TBC1D5: variants seen among roughly 807,000 people sequenced by gnomAD.
The protein encoded by TBC1D5 is TBC1 domain family member 5, also known as TBC1 domain family, member 5.
Under a neutral mutation model 100.3 loss-of-function variants are expected in TBC1D5, and 75 were observed. The observed-to-expected ratio is 0.75, with a 90% CI of 0.62 to 0.91. The LOEUF is 0.91. TBC1D5 is among the 40% of genes least tolerant of loss of function. The probability of loss-of-function intolerance (pLI) is 0.00; values close to 1 mark genes in which losing one functional copy is unlikely to be tolerated. For missense variants in TBC1D5, 910 were observed against 942.4 expected (o/e 0.97, Z 0.45); for synonymous variants, 323 against 325.6 (o/e 0.99, Z 0.09).
chr3:17,659,033 G>A (rs1439278956), intron 1 of TBC1D5, among the ~76,000 whole-genome samples: 1 of 152,158 alleles, frequency 6.6e-6, no homozygotes, highest in Admixed American at 6.5e-5. Context: ...GCAAGATTCA[G>A]ATTCCCCATC....
chr3:17,176,441 C>G (rs2067739680), intron 19 of TBC1D5, among the ~76,000 whole-genome samples: 1 of 152,198 alleles, frequency 6.6e-6, no homozygotes, highest in Non-Finnish European at 1.5e-5. Context: ...ATAATAGAGT[C>G]TTGCCTGCAT....
intron 2 of TBC1D5, among the ~76,000 whole-genome samples, chr3:17,551,237 C>G (rs901870604): frequency 6.6e-6 from 1 of 152,066 alleles, no homozygotes; most frequent in African/African-American, 2.4e-5. Flanking sequence ...GTAAAGACGA[C>G]CATCTGCTTG....
chr3:17,380,214 A>G (rs1318916604), intron 9 of TBC1D5, among the ~76,000 whole-genome samples: 2 of 152,060 alleles, frequency 1.3e-5, no homozygotes, highest in Non-Finnish European at 2.9e-5. Flanking sequence ...CTACAATATG[A>G]AAAAAGAATA....
At chr3:17,178,151 T>C (rs193091642) in intron 19 of TBC1D5, among the ~76,000 whole-genome samples, 3,145 of 151,162 alleles carry the variant, frequency 0.021, 80 homozygotes, top group African/African-American at 0.067. Flanking sequence ...CTGCAAGCTC[T>C]GCCTCCTGGG....
chr3:17,413,703 ATC>A (rs1345426936), intron 4 of TBC1D5, among the ~76,000 whole-genome samples: 2 of 152,196 alleles, frequency 1.3e-5, no homozygotes, highest in Non-Finnish European at 2.9e-5. Context: ...AGGCTTCTGA[ATC>A]ATTGTCCCAA....
chr3:17,704,774 C>T (rs1173390931), intron 1 of TBC1D5, among the ~76,000 whole-genome samples: 9 of 47,510 alleles, frequency 1.9e-4, no homozygotes, highest in South Asian at 9.9e-4. Context: ...TAGGGGCGGC[C>T]GGGCAGAGGC....
chr3:17,484,898 C>A (rs1217224857), intron 3 of TBC1D5, among the ~76,000 whole-genome samples: 1 of 152,050 alleles, frequency 6.6e-6, no homozygotes, highest in Non-Finnish European at 1.5e-5. Flanking sequence ...AAATGAGGAA[C>A]CCACATTCAC....
At chr3:17,592,187 G>T (rs1560230636) in intron 2 of TBC1D5, among the ~76,000 whole-genome samples, 1 of 152,216 alleles carries the variant, frequency 6.6e-6, no homozygotes, top group Admixed American at 6.5e-5. Context: ...GATATACTCA[G>T]GGGTATATCA....
intron 1 of TBC1D5, among the ~76,000 whole-genome samples, chr3:17,657,582 G>A (rs191626958): frequency 2.0e-5 from 3 of 152,100 alleles, no homozygotes; most frequent in Admixed American, 1.3e-4. Flanking sequence ...TGATCTGCCC[G>A]CCTCGGCCTC....
intron 19 of TBC1D5, among the ~76,000 whole-genome samples, chr3:17,174,813 C>T (rs868354425): frequency 1.7e-4 from 26 of 152,224 alleles, no homozygotes; most frequent in African/African-American, 2.9e-4. Flanking sequence ...AGGCTGGTCT[C>T]GAACTCCTGA....
At chr3:17,736,030 T>C (rs2076940973) in intron 1 of TBC1D5, among the ~76,000 whole-genome samples, 1 of 152,244 alleles carries the variant, frequency 6.6e-6, no homozygotes, top group Non-Finnish European at 1.5e-5. Flanking sequence ...ACGATTTGAC[T>C]ATTTCTTTAC....
intron 18 of TBC1D5, among the ~76,000 whole-genome samples, chr3:17,186,710 C>CAAAAAAAAAAAAAAAAAAAA (rs58438478): frequency 7.3e-5 from 2 of 27,280 alleles, no homozygotes; most frequent in Non-Finnish European, 1.4e-4. Context: ...ACTCTATCTC[C>CAAAAAAAAAAAAAAAAAAAA]AAAAAAAAAA....
chr3:17,431,286 C>T (rs745780128), intron 3 of TBC1D5, among the ~76,000 whole-genome samples: 1 of 151,876 alleles, frequency 6.6e-6, no homozygotes, highest in Non-Finnish European at 1.5e-5. Context: ...TTAATGTAAT[C>T]TTACACAAAG....
At chr3:17,212,471 ATT>A (rs1272227536) in intron 18 of TBC1D5, among the ~76,000 whole-genome samples, 1 of 152,106 alleles carries the variant, frequency 6.6e-6, no homozygotes, top group African/African-American at 2.4e-5. Flanking sequence ...ACTTTTTATC[ATT>A]ATTTTATAAT....
intron 2 of TBC1D5, among the ~76,000 whole-genome samples, chr3:17,601,348 T>C (rs561390538): frequency 6.6e-6 from 1 of 151,966 alleles, no homozygotes; most frequent in African/African-American, 2.4e-5. Context: ...CCGTCTCTAC[T>C]AAAAAATACA....
intron 1 of TBC1D5, among the ~76,000 whole-genome samples, chr3:17,662,178 C>A (rs1480826853): frequency 6.6e-6 from 1 of 152,196 alleles, no homozygotes; most frequent in Non-Finnish European, 1.5e-5. Context: ...CAGGCATGAA[C>A]CACCACACCC....
intron 15 of TBC1D5, among the ~76,000 whole-genome samples, chr3:17,262,486 T>G (rs565341250): frequency 3.1e-4 from 47 of 150,146 alleles, no homozygotes; most frequent in African/African-American, 1.0e-3. Flanking sequence ...ATGTTTTTTT[T>G]TTTTTTTTTT....
chr3:17,272,547 T>C (rs193213906), intron 15 of TBC1D5, among the ~76,000 whole-genome samples: 3 of 152,196 alleles, frequency 2.0e-5, no homozygotes, highest in Non-Finnish European at 2.9e-5. Context: ...TTTACAAATA[T>C]TATCTCAGTC....
intron 17 of TBC1D5, among the ~76,000 whole-genome samples, chr3:17,232,983 T>G (rs2148919575): frequency 6.6e-6 from 1 of 152,300 alleles, no homozygotes; most frequent in South Asian, 2.1e-4. Context: ...TATCGCATAT[T>G]TCATCTAAAA....
Sources: allele counts gnomAD v4.1 joint callset (sites outside exome capture counted in the v4.1 genomes callset), GRCh38; gene constraint gnomAD v4.1.1; transcripts MANE v1.5; gene names NCBI Gene and HGNC (gene_info 2026-07-23, HGNC 2026-07-21).